The following PTPRG variants were observed in gnomAD, a reference collection of about 807,000 sequenced individuals.
PTPRG encodes the protein receptor-type tyrosine-protein phosphatase gamma.
In PTPRG, 102 loss-of-function variants were observed where a neutral mutation model predicts 165.3. That is an observed-to-expected ratio of 0.62 (90% CI 0.53 to 0.73). PTPRG has a LOEUF of 0.73. Ranked by LOEUF, PTPRG falls within the 30% of genes least tolerant of loss-of-function variation. The probability of loss-of-function intolerance (pLI) is 0.00; values close to 1 mark genes in which losing one functional copy is unlikely to be tolerated. For synonymous variants in PTPRG, 675 were observed against 669.5 expected (o/e 1.01, Z -0.13); for missense variants, 1,866 against 1,861.4 (o/e 1.00, Z -0.05).
At position 62,252,339 on chromosome 3, in the gene PTPRG, G is replaced by A. The variant is rs532152661; in HGVS notation, c.2468-2785G>A. Among the ~76,000 whole-genome samples the A allele has an allele frequency of 3.2e-4, 49 of 152,254 alleles. No individual in the cohort carries two copies. Among genetic ancestry groups the A allele is most frequent in the African/African-American group, 9.1e-4 (38 of 41,558 alleles). ...AGGGGTTTCCCATTCTCTCTGAGTC[G>A]GAGCACTTTTTATCTAGGGTCTGCA... On this transcript the variant is annotated intron_variant, in intron 15 of 29. Coordinates refer to ENST00000474889, the MANE Select transcript of PTPRG (RefSeq NM_002841.4). The surrounding 1 kb of genome is among the most constrained non-coding windows in gnomAD (Gnocchi z 4.6).
At chr3:61,813,886 C>T (rs1257368149) in intron 2 of PTPRG, among the ~76,000 whole-genome samples, 4 of 138,174 alleles carry the variant, frequency 2.9e-5, no homozygotes, top group Non-Finnish European at 4.5e-5. Flanking sequence ...TTATGAGATA[C>T]TGGCTTTTTT....
intron 14 of PTPRG, among the ~76,000 whole-genome samples, chr3:62,232,830 T>C (rs1274326426): frequency 6.6e-6 from 1 of 152,190 alleles, no homozygotes; most frequent in East Asian, 1.9e-4. Flanking sequence ...ATTTATAGAA[T>C]CCCTCTGATT....
chr3:61,693,205 TTAATA>T (rs1289205852), intron 1 of PTPRG, among the ~76,000 whole-genome samples: 12 of 152,200 alleles, frequency 7.9e-5, no homozygotes, highest in African/African-American at 2.9e-4. Flanking sequence ...GTATAAATGA[TTAATA>T]TATGAGAAAT....
intron 2 of PTPRG, among the ~76,000 whole-genome samples, chr3:61,870,582 T>C (rs2037543263): frequency 6.9e-6 from 1 of 144,746 alleles, no homozygotes; most frequent in Admixed American, 7.0e-5. Flanking sequence ...TTTTTAACCA[T>C]GTTGGCCAGG....
At position 62,099,409 on chromosome 3, in the gene PTPRG, C is replaced by T. The variant is rs1329644365; in HGVS notation, c.615+21151C>T. On this transcript the variant is annotated intron_variant, in intron 5 of 29. Coordinates refer to ENST00000474889, the MANE Select transcript of PTPRG (RefSeq NM_002841.4). ...GTTCAAATACTAGAAAAGTTGTGGC[C>T]GCAAAAGTGTTGATTCCACTCTTAT... Among the ~76,000 whole-genome samples the T allele has an allele frequency of 4.6e-5, 7 of 151,902 alleles. 1 individual carries two copies. In the South Asian group the frequency reaches 1.2e-3, roughly 27 times the overall value.
intron 5 of PTPRG, among the ~76,000 whole-genome samples, chr3:62,123,377 C>G (rs1703153620): frequency 1.3e-5 from 2 of 152,130 alleles, no homozygotes; most frequent in South Asian, 4.1e-4. Context: ...TCTGGGGTAG[C>G]TAGGACTATA....
intron 5 of PTPRG, among the ~76,000 whole-genome samples, chr3:62,091,425 T>A (rs1390457993): frequency 6.6e-6 from 1 of 152,200 alleles, no homozygotes; most frequent in East Asian, 1.9e-4. Flanking sequence ...ATAGATTTAA[T>A]TGGAGCAGCC....
At chr3:61,851,046 C>T (rs2036949967) in intron 2 of PTPRG, among the ~76,000 whole-genome samples, 1 of 152,074 alleles carries the variant, frequency 6.6e-6, no homozygotes, top group African/African-American at 2.4e-5. Flanking sequence ...TTTGCCTGTT[C>T]ACCAATAGCA....
At chr3:61,981,806 T>G (rs948051994) in intron 2 of PTPRG, among the ~76,000 whole-genome samples, 2 of 152,208 alleles carry the variant, frequency 1.3e-5, no homozygotes, top group African/African-American at 4.8e-5. Flanking sequence ...ATTGAATTCT[T>G]ATAAAACATC....
intron 1 of PTPRG, among the ~76,000 whole-genome samples, chr3:61,660,932 G>A (rs756702125): frequency 4.6e-5 from 7 of 152,176 alleles, no homozygotes; most frequent in Admixed American, 1.3e-4. Context: ...AACCTGGGAG[G>A]CGGAGGTTGC....
intron 1 of PTPRG, among the ~76,000 whole-genome samples, chr3:61,661,773 T>C (rs1015855633): frequency 6.6e-6 from 1 of 152,080 alleles, no homozygotes; most frequent in African/African-American, 2.4e-5. Flanking sequence ...CCTAGACACA[T>C]AAAACACCAG....
intron 1 of PTPRG, among the ~76,000 whole-genome samples, chr3:61,684,704 C>G (rs1703565111): frequency 6.6e-6 from 1 of 152,116 alleles, no homozygotes; most frequent in South Asian, 2.1e-4. Context: ...TGTGAAACAG[C>G]TTAGAACAAT....
chr3:61,950,575 A>T (rs1419316726), intron 2 of PTPRG, among the ~76,000 whole-genome samples: 1 of 152,002 alleles, frequency 6.6e-6, no homozygotes, highest in African/African-American at 2.4e-5. Flanking sequence ...TTTTTAATAC[A>T]TTTTTTTAAA....
chr3:61,859,853 G>T (rs371196966), intron 2 of PTPRG, among the ~76,000 whole-genome samples: 1 of 151,832 alleles, frequency 6.6e-6, no homozygotes, highest in Non-Finnish European at 1.5e-5. Flanking sequence ...TTTTTCTTCC[G>T]CATTACAACA....
At chr3:61,688,581 A>G (rs2029926920) in intron 1 of PTPRG, among the ~76,000 whole-genome samples, 1 of 152,208 alleles carries the variant, frequency 6.6e-6, no homozygotes, top group African/African-American at 2.4e-5. Flanking sequence ...TGGAGCAGGC[A>G]AATCGGGCTC....
chr3:61,850,324 C>T (rs1333803406), intron 2 of PTPRG, among the ~76,000 whole-genome samples: 1 of 152,036 alleles, frequency 6.6e-6, no homozygotes, highest in African/African-American at 2.4e-5. Flanking sequence ...CCACCACACC[C>T]AGCTGATTTT....
chr3:62,113,305 G>T (rs534185102), intron 5 of PTPRG, among the ~76,000 whole-genome samples: 1 of 152,258 alleles, frequency 6.6e-6, no homozygotes, highest in Non-Finnish European at 1.5e-5. Flanking sequence ...CTGACACTGT[G>T]TCAGAAACAC....
chr3:62,290,904 G>T (rs867641367), intron 28 of PTPRG, among the ~76,000 whole-genome samples: 3 of 152,048 alleles, frequency 2.0e-5, no homozygotes, highest in Admixed American at 6.6e-5. Flanking sequence ...AATAAAAGAT[G>T]TATCAACTTG....
intron 1 of PTPRG, among the ~76,000 whole-genome samples, chr3:61,612,360 C>G (rs1045592796): frequency 6.6e-6 from 1 of 152,216 alleles, no homozygotes; most frequent in Non-Finnish European, 1.5e-5. Context: ...TAACCTTTGT[C>G]GTGACTCTAC....
Sources: gnomAD v4.1 joint callset for allele counts (sites outside exome capture counted in the v4.1 genomes callset) on GRCh38, gnomAD v4.1.1 for gene constraint, Gnocchi (gnomAD v3.1) non-coding constraint, MANE v1.5 for transcripts, NCBI Gene and HGNC (gene_info 2026-07-23, HGNC 2026-07-21) for gene names.